Variants in DHX8 observed in about 807,000 individuals in gnomAD.
DHX8 encodes ATP-dependent RNA helicase DHX8.
DHX8 carries 67 observed loss-of-function variants against 140.7 expected under a neutral mutation model. That is an observed-to-expected ratio of 0.48 (90% CI 0.39 to 0.58). The LOEUF (loss-of-function observed/expected upper bound fraction) is 0.58. Ranked by LOEUF, DHX8 falls within the 20% of genes least tolerant of loss-of-function variation. DHX8 has a pLI of 0.00. For missense variants in DHX8, 887 were observed against 1,550.7 expected (o/e 0.57, Z 7.19); for synonymous variants, 533 against 553.2 (o/e 0.96, Z 0.51).
At chr17:43,537,933 C>T (rs965742335) in intron 3 of DHX8, among the ~76,000 whole-genome samples, 1 of 152,080 alleles carries the variant, frequency 6.6e-6, no homozygotes, top group Admixed American at 6.5e-5. Context: ...TCAGGACCAT[C>T]CTGGCTAACA....
chr17:43,518,506 G>C (rs1443258763), intron 18 of DHX8: 1 of 152,132 alleles, frequency 6.6e-6, no homozygotes, highest in Non-Finnish European at 1.5e-5. Context: ...ACCTAACATG[G>C]TATGAGATCC....
chr17:43,504,064 A>G (rs946213487), intron 11 of DHX8, among the ~76,000 whole-genome samples: 4 of 152,056 alleles, frequency 2.6e-5, no homozygotes, highest in Non-Finnish European at 1.5e-5. Flanking sequence ...GAAACAGAGC[A>G]AGACCCTGTC....
chr17:43,516,908 T>C (rs1394718125), intron 17 of DHX8, among the ~76,000 whole-genome samples: 2 of 152,188 alleles, frequency 1.3e-5, no homozygotes, highest in South Asian at 2.1e-4. Flanking sequence ...TTTGAAGATA[T>C]ATGTCTCAGA....
intron 2 of DHX8, chr17:43,533,312 G>A (rs1598201474): frequency 6.2e-7 from 1 of 1,613,866 alleles, no homozygotes; most frequent in Non-Finnish European, 8.5e-7. Context: ...CAGGGGCAGG[G>A]GACTTGATGG....
At chr17:43,497,677 C>T (rs1968942539) in intron 9 of DHX8, among the ~76,000 whole-genome samples, 1 of 151,982 alleles carries the variant, frequency 6.6e-6, no homozygotes, top group Non-Finnish European at 1.5e-5. Flanking sequence ...ATTGCTTGAG[C>T]CTGGGAGGTC....
At chr17:43,521,234 A>G (rs941540083) in intron 20 of DHX8, 135 bp from the exon 21 acceptor site, 3 of 743,782 alleles carry the variant, frequency 4.0e-6, no homozygotes, top group Non-Finnish European at 6.4e-6. Flanking sequence ...AAATGCTGGG[A>G]TTACAGGCCT....
intron 11 of DHX8, among the ~76,000 whole-genome samples, chr17:43,503,180 T>G (rs1418993644): frequency 6.6e-6 from 1 of 151,866 alleles, no homozygotes; most frequent in East Asian, 1.9e-4. Context: ...CTGGGCAATG[T>G]GGTGAAACCC....
chr17:43,533,239 A>G, intron 2 of DHX8: 2 of 1,613,738 alleles, frequency 1.2e-6, no homozygotes, highest in South Asian at 2.2e-5. Context: ...GTGCCAGAGG[A>G]TCTCAGGAAA....
In DHX8 at chr17:43,484,054, C is replaced by T. The variant is rs916424482; in HGVS notation, c.17C>T (p.Ala6Val). The stretch of plus-strand genomic sequence containing the variant: ...GCTATAGCCATGGCTGTGGCTGTAG[C>T]CATGGCGGGAGCCTTAATCGGGTCG... MAVAV[A>V]MAGALIGSEP... Residue 6 changes from alanine to valine, a missense_variant, in exon 1 of 23, where the codon GCC becomes GTC. Coordinates refer to ENST00000262415, the MANE Select transcript of DHX8 (RefSeq NM_004941.3). 2.5e-6 allele frequency: 4 copies of T among 1,614,116 alleles called. No homozygotes were observed. Among genetic ancestry groups the T allele is most frequent in the East Asian group, 4.5e-5 (2 of 44,888 alleles).
chr17:43,544,303 C>G (rs1971685537), exon 4 of DHX8: 1 of 153,270 alleles, frequency 6.5e-6, no homozygotes, highest in Non-Finnish European at 1.5e-5. Context: ...AGCTAACTCC[C>G]CAGCACACAG....
intron 2 of DHX8, chr17:43,536,329 G>C: frequency 9.1e-7 from 1 of 1,094,614 alleles, no homozygotes; most frequent in Non-Finnish European, 1.4e-6. Flanking sequence ...CTGTGTTTTA[G>C]GAGAGAACAA....
At chr17:43,515,578 A>G (rs1192421104) in intron 17 of DHX8, among the ~76,000 whole-genome samples, 2 of 152,202 alleles carry the variant, frequency 1.3e-5, no homozygotes, top group African/African-American at 4.8e-5. Context: ...GGTAGATATT[A>G]TTTTCACAGA....
At position 43,532,171 on chromosome 17, in the gene DHX8, T is replaced by A. The variant is rs76823163; in HGVS notation, c.351-4241T>A. Among the ~76,000 whole-genome samples the A allele has an allele frequency of 2.0e-5, 3 of 152,320 alleles. No homozygotes were observed. The South Asian group carries it at 6.2e-4, about 32-fold the overall frequency. ...CTCACCATGCCCCGGGGGCCCCCCT[T>A]ATCTTTTAATCTGAATATAGGTTTG... On this transcript the variant is annotated intron_variant, in intron 2 of 3. Coordinates refer to the DHX8 transcript ENST00000589898.
In DHX8 at chr17:43,492,704, G is replaced by A. The variant is rs61749922; in HGVS notation, c.527G>A (p.Arg176Gln). The A allele has an allele frequency of 2.8e-3, 4,395 of 1,583,736 alleles. 7 individuals are homozygous for A. Among genetic ancestry groups the A allele is most frequent in the Non-Finnish European group, 3.4e-3 (3,901 of 1,152,358 alleles). The change falls in exon 6 of 23, where the codon CGG becomes CAG. Residue 176 changes from arginine (R) to glutamine (Q), a missense_variant. Physicochemically the swap from Arg to Gln is conservative, Grantham distance 43. This residue lies in a region of DHX8 where 304 missense variants were observed against 306.9 expected (regional missense o/e 0.99). Transcript: ENST00000262415. ...AGGGACAGGACAAAGAAGAAGAAGCGGAGTCGAAGCCGAGATCGAAACCGA... is the reference window on the plus strand; with the variant it reads ...AGGGACAGGACAAAGAAGAAGAAGCAGAGTCGAAGCCGAGATCGAAACCGA... ...EHRDRTKKKK[R>Q]SRSRDRNRDR...
At chr17:43,542,666 T>G (rs1971582926) in intron 3 of DHX8, among the ~76,000 whole-genome samples, 1 of 152,036 alleles carries the variant, frequency 6.6e-6, no homozygotes, top group African/African-American at 2.4e-5. Flanking sequence ...AAAGCCGCAC[T>G]CACACTCACC....
downstream of DHX8, chr17:43,528,462 C>CATTT: frequency 8.3e-7 from 1 of 1,200,456 alleles, no homozygotes. Flanking sequence ...ACACCAGATT[C>CATTT]ATTTATATGT....
chr17:43,512,977 T>C (rs1260584628), intron 16 of DHX8, among the ~76,000 whole-genome samples: 1 of 152,184 alleles, frequency 6.6e-6, no homozygotes, highest in Non-Finnish European at 1.5e-5. Flanking sequence ...AAGAAAAATC[T>C]CATTTTGCAT....
At chr17:43,520,510 G>A (rs1342531044) in intron 19 of DHX8, among the ~76,000 whole-genome samples, 1 of 152,204 alleles carries the variant, frequency 6.6e-6, no homozygotes, top group African/African-American at 2.4e-5. Context: ...ATTAGAAACG[G>A]CATCTGCAAA....
rs960848885 is a variant in DHX8, at chr17:43,513,505, A to G, written c.2643+3A>G. 9.9e-6 allele frequency: 16 copies of G among 1,613,266 alleles called. No individual in the cohort carries two copies. Among genetic ancestry groups the G allele is most frequent in the Non-Finnish European group, 1.4e-5 (16 of 1,179,698 alleles). On this transcript the variant is annotated splice_donor_region_variant and intron_variant, in intron 17 of 22. Transcript: ENST00000262415. ...TCGTGGTGACGCCTATTTCTCAGGTATGACGGCTTGTATCAACAGTTTTCC... is the reference window on the plus strand; with the variant it reads ...TCGTGGTGACGCCTATTTCTCAGGTGTGACGGCTTGTATCAACAGTTTTCC...
Sources: gnomAD v4.1 joint callset for allele counts (sites outside exome capture counted in the v4.1 genomes callset) on GRCh38, gnomAD v4.1.1 for gene constraint, gnomAD v4.1.1 regional missense constraint, MANE v1.5 for transcripts, NCBI Gene and HGNC (gene_info 2026-07-23, HGNC 2026-07-21) for gene names.